KIF13B: variants seen among roughly 807,000 people sequenced by gnomAD.
KIF13B encodes the protein kinesin-like protein KIF13B.
A neutral mutation model predicts 222.0 loss-of-function variants in KIF13B; 127 were observed. The observed-to-expected ratio is 0.57, with a 90% CI of 0.50 to 0.66. The LOEUF (loss-of-function observed/expected upper bound fraction) is 0.66. KIF13B is among the 30% of genes least tolerant of loss of function. KIF13B has a pLI of 0.00. For synonymous variants in KIF13B, 976 were observed against 919.0 expected (o/e 1.06, Z -1.12); for missense variants, 2,173 against 2,379.0 (o/e 0.91, Z 1.80).
intron 37 of KIF13B, among the ~76,000 whole-genome samples, chr8:29,078,112 G>C (rs562265111): frequency 6.1e-4 from 40 of 66,004 alleles, no homozygotes; most frequent in Non-Finnish European, 1.1e-3. Flanking sequence ...GTGAAACCGT[G>C]TCTCTACTAA....
chr8:29,230,185 T>C (rs551592665), intron 2 of KIF13B, among the ~76,000 whole-genome samples: 10 of 152,150 alleles, frequency 6.6e-5, no homozygotes, highest in Admixed American at 4.6e-4. Flanking sequence ...GATATAAACT[T>C]CCAGATTTAC....
chr8:29,178,269 C>T (rs1224201687), intron 8 of KIF13B, among the ~76,000 whole-genome samples: 2 of 150,368 alleles, frequency 1.3e-5, no homozygotes, highest in African/African-American at 4.8e-5. Flanking sequence ...AAAACACTTG[C>T]AATTCTGACA....
At position 29,069,027 on chromosome 8, in the gene KIF13B, G is replaced by A. The variant is rs1316021571; in HGVS notation, c.*1477C>T. On this transcript the variant is annotated 3_prime_UTR_variant, in exon 40 of 40. Coordinates refer to ENST00000524189, the MANE Select transcript of KIF13B (RefSeq NM_015254.4). ...AGGGCTGGGACAGGCCCACCATGGAGACTACTCTGTTGGCGCCTTCAAGTC... is the reference window on the plus strand; with the variant it reads ...AGGGCTGGGACAGGCCCACCATGGAAACTACTCTGTTGGCGCCTTCAAGTC... The A allele has an allele frequency of 6.6e-6, 1 of 152,230 alleles. No homozygotes were observed. The highest frequency in any genetic ancestry group is 6.5e-5 in the Admixed American group (1 of 15,292). 9.4% of individuals were successfully genotyped at this position (152,230 alleles called of 1,614,324 possible).
chr8:29,219,983 G>A (rs1814669666), intron 2 of KIF13B, among the ~76,000 whole-genome samples: 1 of 152,024 alleles, frequency 6.6e-6, no homozygotes, highest in Non-Finnish European at 1.5e-5. Context: ...AGGATCACAT[G>A]AGCACAGGAA....
chr8:29,157,075 A>C (rs572083449), intron 13 of KIF13B, among the ~76,000 whole-genome samples: 1 of 152,042 alleles, frequency 6.6e-6, no homozygotes, highest in South Asian at 2.1e-4. Flanking sequence ...AATCAGGGAA[A>C]ACCTTACAGA....
chr8:29,118,815 G>T, intron 30 of KIF13B, 53 bp downstream of exon 30: 1 of 1,589,440 alleles, frequency 6.3e-7, no homozygotes, highest in Non-Finnish European at 8.6e-7. Context: ...AGCTCGAGGA[G>T]AGGTTAAGGA....
chr8:29,108,002 C>T, intron 35 of KIF13B, 137 bp downstream of exon 35: 1 of 688,278 alleles, frequency 1.5e-6, no homozygotes, highest in Non-Finnish European at 2.5e-6. Context: ...AACTCTAAAA[C>T]ACTTTCAAGT....
intron 2 of KIF13B, among the ~76,000 whole-genome samples, chr8:29,244,219 T>A (rs1004695170): frequency 6.6e-6 from 1 of 152,204 alleles, no homozygotes; most frequent in Non-Finnish European, 1.5e-5. Flanking sequence ...TTCACTGTGT[T>A]AGCCAGGATG....
chr8:29,240,455 T>TA (rs1815724578), intron 2 of KIF13B, among the ~76,000 whole-genome samples: 1 of 152,246 alleles, frequency 6.6e-6, no homozygotes, highest in Non-Finnish European at 1.5e-5. Context: ...AAAGGGTTCC[T>TA]ATGTGAACAG....
chr8:29,167,041 A>G (rs1476043802), intron 11 of KIF13B, among the ~76,000 whole-genome samples: 2 of 152,190 alleles, frequency 1.3e-5, no homozygotes, highest in African/African-American at 4.8e-5. Context: ...TCTGCACAAA[A>G]ATTAAAATTA....
chr8:29,198,807 G>A (rs1344707665), intron 2 of KIF13B, among the ~76,000 whole-genome samples: 1 of 152,164 alleles, frequency 6.6e-6, no homozygotes, highest in Non-Finnish European at 1.5e-5. Flanking sequence ...TCTAAATGAA[G>A]TAACTCAGGA....
intron 2 of KIF13B, 117 bp downstream of exon 2, chr8:29,245,229 C>T (rs1310895157): frequency 1.4e-6 from 1 of 710,902 alleles, no homozygotes; most frequent in Non-Finnish European, 2.4e-6. Context: ...CAGAAGACAG[C>T]AATATGTCTC....
chr8:29,213,025 A>G lies in KIF13B; in HGVS notation c.150-16826T>C, dbSNP rs191260673. Among the ~76,000 whole-genome samples the G allele has an allele frequency of 3.7e-3, 564 of 152,184 alleles. 6 individuals are homozygous for G. The highest frequency in any genetic ancestry group is 0.013 in the African/African-American group (539 of 41,514). On this transcript the variant is annotated intron_variant, in intron 2 of 39. Transcript: ENST00000524189. ...GATATTAAACTGTCTTCATGACATG[A>G]CACTATAAGAAGTAGTACTCTGCAC...
chr8:29,218,202 C>T (rs903921163), intron 2 of KIF13B, among the ~76,000 whole-genome samples: 1 of 152,160 alleles, frequency 6.6e-6, no homozygotes. Flanking sequence ...CACACCAGCT[C>T]CTGCAATGGA....
chr8:29,235,534 A>G (rs766645461), intron 2 of KIF13B, among the ~76,000 whole-genome samples: 5 of 152,188 alleles, frequency 3.3e-5, no homozygotes, highest in Non-Finnish European at 5.9e-5. Context: ...AACCACTGCA[A>G]TCAATCAAGA....
At chr8:29,189,030 A>T (rs1329178983) in intron 4 of KIF13B, among the ~76,000 whole-genome samples, 1 of 152,210 alleles carries the variant, frequency 6.6e-6, no homozygotes, top group Non-Finnish European at 1.5e-5. Context: ...TCCCTCAGTG[A>T]CAATTTCTAA....
chr8:29,186,834 C>T (rs1282418918), intron 5 of KIF13B, among the ~76,000 whole-genome samples: 5 of 151,392 alleles, frequency 3.3e-5, no homozygotes, highest in East Asian at 1.9e-4. Flanking sequence ...CCATGCGTGA[C>T]GGCACGTGCT....
In KIF13B at chr8:29,105,752, G is replaced by A. The variant is rs375078599; in HGVS notation, c.4215+2387C>T. On this transcript the variant is annotated intron_variant, in intron 35 of 39. Transcript: ENST00000524189. Reference sequence around the variant, plus strand: ...TGGCTCACTGCAACTTCCGCCTCCCGGGTTCAAGAAATTCTCCTGCCTCAG... The same window carrying A: ...TGGCTCACTGCAACTTCCGCCTCCCAGGTTCAAGAAATTCTCCTGCCTCAG... 6.7e-3 allele frequency among the ~76,000 whole-genome samples: 859 copies of A among 128,190 alleles called. 5 individuals carry two copies. The highest frequency in any genetic ancestry group is 0.024 in the African/African-American group (825 of 34,374). 84.1% of individuals were successfully genotyped at this position (128,190 alleles called of 152,430 possible). A position where few individuals can be genotyped will look rare whatever the true frequency, so the allele number is the denominator to read the frequency against.
chr8:29,091,152 A>G (rs897169753), intron 37 of KIF13B, among the ~76,000 whole-genome samples: 6 of 152,248 alleles, frequency 3.9e-5, no homozygotes, highest in African/African-American at 1.4e-4. Context: ...AATCTTCTAT[A>G]TATTTCAAGG....
Sources: allele counts gnomAD v4.1 joint callset (sites outside exome capture counted in the v4.1 genomes callset), GRCh38; gene constraint gnomAD v4.1.1; transcripts MANE v1.5; gene names NCBI Gene and HGNC (gene_info 2026-07-23, HGNC 2026-07-21).